SLC9A9: variants seen among roughly 807,000 people sequenced by gnomAD.
SLC9A9 encodes the protein solute carrier family 9 member A9, also known as sodium/hydrogen exchanger 9.
SLC9A9 carries 62 observed loss-of-function variants against 77.8 expected under a neutral mutation model. The ratio of observed to expected loss-of-function variants is 0.80; its 90% CI spans 0.65 to 0.98. SLC9A9 has a LOEUF of 0.98. Among genes scored for constraint, SLC9A9 ranks in the 50% least tolerant of loss-of-function variants. The pLI, the probability that SLC9A9 is intolerant of heterozygous loss-of-function variation, is 0.00. For synonymous variants in SLC9A9, 320 were observed against 283.5 expected (o/e 1.13, Z -1.29); for missense variants, 775 against 774.9 (o/e 1.00, Z 0.00).
chr3:143,749,209 G>T, intron 4 of SLC9A9, among the ~76,000 whole-genome samples: 1 of 151,924 alleles, frequency 6.6e-6, no homozygotes, highest in African/African-American at 2.4e-5. Flanking sequence ...GCCTTATTTG[G>T]AGCATTGCTA....
intron 4 of SLC9A9, among the ~76,000 whole-genome samples, chr3:143,740,058 G>A (rs1309911115): frequency 6.6e-6 from 1 of 152,144 alleles, no homozygotes; most frequent in African/African-American, 2.4e-5. Flanking sequence ...CTGTGTTATT[G>A]AAGATGCTGA....
intron 5 of SLC9A9, among the ~76,000 whole-genome samples, chr3:143,692,448 T>A (rs1049731674): frequency 1.3e-5 from 2 of 152,188 alleles, no homozygotes. Context: ...TAGAATTTGC[T>A]TTAACATAAT....
At chr3:143,782,077 C>A (rs564956380) in intron 4 of SLC9A9, among the ~76,000 whole-genome samples, 1 of 152,332 alleles carries the variant, frequency 6.6e-6, no homozygotes, top group South Asian at 2.1e-4. Flanking sequence ...TACCAATTAT[C>A]TTCTTTATGA....
intron 6 of SLC9A9, among the ~76,000 whole-genome samples, chr3:143,623,737 G>A (rs906222397): frequency 2.2e-4 from 33 of 152,178 alleles, no homozygotes; most frequent in African/African-American, 7.0e-4. Flanking sequence ...ATTCAAAAGC[G>A]AGCAGAAGGC....
chr3:143,276,240 AGTTCT>A (rs1938045123), intron 14 of SLC9A9, among the ~76,000 whole-genome samples: 1 of 152,198 alleles, frequency 6.6e-6, no homozygotes, highest in African/African-American at 2.4e-5. Flanking sequence ...GCCCAACTCC[AGTTCT>A]AAGGATGTTT....
At chr3:143,733,586 G>A (rs573290485) in intron 4 of SLC9A9, among the ~76,000 whole-genome samples, 2 of 152,168 alleles carry the variant, frequency 1.3e-5, no homozygotes, top group African/African-American at 2.4e-5. Flanking sequence ...GGGGTGTGAG[G>A]TGCCCACACA....
intron 1 of SLC9A9, among the ~76,000 whole-genome samples, chr3:143,836,378 G>A (rs1196786628): frequency 6.6e-6 from 1 of 152,142 alleles, no homozygotes; most frequent in African/African-American, 2.4e-5. Flanking sequence ...ATCACTTTGG[G>A]CAGAATTGTA....
chr3:143,583,265 T>A (rs2037486847), intron 6 of SLC9A9, among the ~76,000 whole-genome samples: 1 of 152,200 alleles, frequency 6.6e-6, no homozygotes, highest in African/African-American at 2.4e-5. Context: ...GCAAAATTAG[T>A]TTGATGACAG....
intron 14 of SLC9A9, among the ~76,000 whole-genome samples, chr3:143,281,228 A>G (rs1413670161): frequency 2.0e-5 from 3 of 152,216 alleles, no homozygotes; most frequent in Non-Finnish European, 4.4e-5. Context: ...CTAAGTTGCT[A>G]CATGGAGGAC....
At chr3:143,342,536 A>AT (rs1389721533) in intron 14 of SLC9A9, among the ~76,000 whole-genome samples, 2 of 152,194 alleles carry the variant, frequency 1.3e-5, no homozygotes, top group Admixed American at 1.3e-4. Context: ...ACTATCTTAG[A>AT]TTTTAAACAC....
At chr3:143,603,690 G>A (rs1227044416) in intron 6 of SLC9A9, among the ~76,000 whole-genome samples, 3 of 152,166 alleles carry the variant, frequency 2.0e-5, no homozygotes, top group Non-Finnish European at 4.4e-5. Context: ...TCAGCCTAAA[G>A]AGATCTTTAG....
chr3:143,588,650 C>T (rs112238472), intron 6 of SLC9A9, among the ~76,000 whole-genome samples: 176 of 152,282 alleles, frequency 1.2e-3, no homozygotes, highest in Non-Finnish European at 1.8e-3. Context: ...AACATGTTGT[C>T]AGAATTGAAT....
At chr3:143,391,605 G>C (rs1444677719) in intron 12 of SLC9A9, among the ~76,000 whole-genome samples, 1 of 152,226 alleles carries the variant, frequency 6.6e-6, no homozygotes, top group Non-Finnish European at 1.5e-5. Flanking sequence ...GATGGAAAAT[G>C]ACTTTGACGA....
intron 14 of SLC9A9, among the ~76,000 whole-genome samples, chr3:143,300,425 T>G (rs1007543046): frequency 6.6e-6 from 1 of 152,248 alleles, no homozygotes; most frequent in African/African-American, 2.4e-5. Flanking sequence ...CTTCAGTGTT[T>G]GGAAATGTAT....
At chr3:143,613,719 CTT>C (rs11294186) in intron 6 of SLC9A9, among the ~76,000 whole-genome samples, 39 of 148,512 alleles carry the variant, frequency 2.6e-4, no homozygotes, top group African/African-American at 8.8e-4. Flanking sequence ...ACATGCCTCT[CTT>C]TTTTTTTTTC....
chr3:143,585,619 C>T (rs1356967225), intron 6 of SLC9A9, among the ~76,000 whole-genome samples: 1 of 152,202 alleles, frequency 6.6e-6, no homozygotes, highest in Non-Finnish European at 1.5e-5. Context: ...TCAAAGTAGA[C>T]TTTCTAAATT....
At position 143,434,531 on chromosome 3, in the gene SLC9A9, C is replaced by T. The variant is rs529626670; in HGVS notation, c.1469+32506G>A. ...CGATTGCAACTTCTAACCACCGTAG[C>T]CCCTTCATGCCAGCTTCAGCCAGTC... On this transcript the variant is annotated intron_variant, in intron 12 of 15. Transcript: ENST00000316549. 5.9e-5 allele frequency among the ~76,000 whole-genome samples: 9 copies of T among 152,268 alleles called. No homozygotes were observed. In the South Asian group the frequency reaches 1.9e-3, roughly 32 times the overall value.
chr3:143,739,188 TC>T (rs1446007468), intron 4 of SLC9A9, among the ~76,000 whole-genome samples: 1 of 152,160 alleles, frequency 6.6e-6, no homozygotes, highest in African/African-American at 2.4e-5. Flanking sequence ...GCGAGTCACC[TC>T]ATTACTGTAA....
At chr3:143,544,928 T>G (rs905583690) in intron 9 of SLC9A9, among the ~76,000 whole-genome samples, 1 of 152,220 alleles carries the variant, frequency 6.6e-6, no homozygotes, top group Non-Finnish European at 1.5e-5. Context: ...ACAGGGATTC[T>G]TCCCCATTGC....
Sources: allele counts gnomAD v4.1 joint callset (sites outside exome capture counted in the v4.1 genomes callset), GRCh38; gene constraint gnomAD v4.1.1; transcripts MANE v1.5; gene names NCBI Gene and HGNC (gene_info 2026-07-23, HGNC 2026-07-21).